The following ZNF488 variants were observed in gnomAD, a reference collection of about 807,000 sequenced individuals.
The protein encoded by ZNF488 is zinc finger protein 488.
Under a neutral mutation model 1.2 loss-of-function variants are expected in ZNF488, and 1 was observed. That is an observed-to-expected ratio of 0.86 (90% CI 0.30 to 4.07). The LOEUF (loss-of-function observed/expected upper bound fraction) is 4.07. Ranked by LOEUF, ZNF488 falls within the 30% of genes most tolerant of loss-of-function variation. ZNF488 has a pLI of 0.18. For synonymous variants in ZNF488, 185 were observed against 190.1 expected (o/e 0.97, Z 0.22); for missense variants, 450 against 437.9 (o/e 1.03, Z -0.25).
intron 1 of ZNF488, among the ~76,000 whole-genome samples, chr10:47,372,134 A>G (rs952851518): frequency 6.6e-5 from 10 of 152,354 alleles, no homozygotes; most frequent in African/African-American, 1.9e-4. Context: ...TCCAGTCTAC[A>G]TAAGACTGGT....
chr10:47,373,326 T>C (rs1261355415), intron 1 of ZNF488, among the ~76,000 whole-genome samples: 2 of 152,176 alleles, frequency 1.3e-5, no homozygotes, highest in Admixed American at 6.5e-5. Flanking sequence ...TTTTCTTCAC[T>C]CTAATGACTA....
At chr10:47,376,060 T>G (rs1837668514) in intron 1 of ZNF488, among the ~76,000 whole-genome samples, 1 of 152,228 alleles carries the variant, frequency 6.6e-6, no homozygotes, top group Admixed American at 6.5e-5. Context: ...GTTCTTTTAT[T>G]CTGTGATAAC....
At chr10:47,384,020 G>A (rs1838085559) in intron 1 of ZNF488, among the ~76,000 whole-genome samples, 200 bp downstream of exon 1, 1 of 152,126 alleles carries the variant, frequency 6.6e-6, no homozygotes, top group East Asian at 1.9e-4. Context: ...AGAAGAGAAA[G>A]GGAACAGAAA....
chr10:47,369,657 G>A (rs574191027), intron 1 of ZNF488, among the ~76,000 whole-genome samples: 150 of 152,254 alleles, frequency 9.9e-4, no homozygotes, highest in African/African-American at 3.5e-3. Context: ...TGAGAGTCAA[G>A]TGTCCCCACT....
chr10:47,367,795 TGCGGTCACCTG>T lies in ZNF488; in HGVS notation c.*1_*11del. On this transcript the variant is annotated 3_prime_UTR_variant, in exon 2 of 2. Coordinates refer to ENST00000585316, the MANE Select transcript of ZNF488 (RefSeq NM_153034.4). The stretch of plus-strand genomic sequence containing the variant: ...GGCTGCTGCACCCAGCAGGTCATTC[TGCGGTCACCTG>T]CTAGCTGTGAGAAGTCATGTGCCGG... The T allele has an allele frequency of 6.3e-7, 1 of 1,598,478 alleles. No individual in the cohort carries two copies. The highest frequency in any genetic ancestry group is 8.5e-7 in the Non-Finnish European group (1 of 1,172,528).
chr10:47,377,598 TCTCACA>T (rs1288448124), intron 1 of ZNF488, among the ~76,000 whole-genome samples: 5 of 96,794 alleles, frequency 5.2e-5, no homozygotes, highest in African/African-American at 2.1e-4. Context: ...GCAATAACAA[TCTCACA>T]CACACACACA....
intron 1 of ZNF488, among the ~76,000 whole-genome samples, chr10:47,377,671 TCACACACACACACACACACACACA>T (rs55901237): frequency 9.5e-6 from 1 of 104,950 alleles, no homozygotes; most frequent in Admixed American, 9.0e-5. Context: ...GCAATAACAA[TCACACACACACACACACACACACA>T]CACACACACA....
At chr10:47,380,866 G>C (rs200466005) in intron 1 of ZNF488, among the ~76,000 whole-genome samples, 25 of 149,118 alleles carry the variant, frequency 1.7e-4, no homozygotes, top group African/African-American at 6.2e-4. Flanking sequence ...TCTTCACTGG[G>C]TTGTGGGAAA....
rs1263296805 is a variant in ZNF488, at chr10:47,369,053, G to A, written c.-108-116C>T. The A allele has an allele frequency of 5.3e-6, 3 of 567,420 alleles. No individual in the cohort carries two copies. The African/African-American group carries it at 5.7e-5, about 11-fold the overall frequency. 35.1% of individuals were successfully genotyped at this position (567,420 alleles called of 1,614,324 possible). On this transcript the variant is annotated intron_variant, in intron 1 of 1. Coordinates refer to ENST00000585316, the MANE Select transcript of ZNF488 (RefSeq NM_153034.4). ...CTCAGGCCTCCTCCGCTGTCTGTGGGATGGGTGTGCTGACTGCACCACCTC... is the reference window on the plus strand; with the variant it reads ...CTCAGGCCTCCTCCGCTGTCTGTGGAATGGGTGTGCTGACTGCACCACCTC...
chr10:47,382,143 G>C (rs1446590365), intron 1 of ZNF488, among the ~76,000 whole-genome samples: 1 of 152,260 alleles, frequency 6.6e-6, no homozygotes, highest in Non-Finnish European at 1.5e-5. Context: ...CTTCACTTCA[G>C]GCACTCACGG....
rs1649613618 is a variant in ZNF488, at chr10:47,368,941, CAG to C, written c.-108-6_-108-5del. 1 of 1,325,794 alleles carries C rather than the reference CAG, an allele frequency of 7.5e-7. No homozygotes were observed. Among genetic ancestry groups the C allele is most frequent in the East Asian group, 2.3e-5 (1 of 42,808 alleles). 82.1% of individuals were successfully genotyped at this position (1,325,794 alleles called of 1,614,324 possible). On this transcript the variant is annotated splice_polypyrimidine_tract_variant and splice_region_variant and intron_variant, in intron 1 of 1. Coordinates refer to ENST00000585316, the MANE Select transcript of ZNF488 (RefSeq NM_153034.4). ...GGACACACTCGGCCACAGGGCCCTG[CAG>C]AGAGAGGAAGCGACAGGCAGTGAGA...
At chr10:47,381,253 A>G (rs1349534778) in intron 1 of ZNF488, among the ~76,000 whole-genome samples, 1 of 53,134 alleles carries the variant, frequency 1.9e-5, no homozygotes, top group Non-Finnish European at 4.0e-5. Flanking sequence ...CCCCCCAAGC[A>G]GTGCTTTGCT....
intron 1 of ZNF488, among the ~76,000 whole-genome samples, chr10:47,377,671 TCACACACACACACACACACACA>T (rs55901237): frequency 9.5e-6 from 1 of 104,952 alleles, no homozygotes; most frequent in South Asian, 3.4e-4. Flanking sequence ...GCAATAACAA[TCACACACACACACACACACACA>T]CACACACACA....
chr10:47,368,382 C>A lies in ZNF488; in HGVS notation c.448G>T (p.Val150Leu). The A allele has an allele frequency of 6.2e-7, 1 of 1,614,206 alleles. No individual in the cohort carries two copies. Among genetic ancestry groups the A allele is most frequent in the Non-Finnish European group, 8.5e-7 (1 of 1,180,052 alleles). The change falls in exon 2 of 2, where the codon GTG (valine) becomes TTG (leucine). Residue 150 changes from valine to leucine, a missense_variant. Physicochemically the swap from Val to Leu is conservative, Grantham distance 32 (BLOSUM62 1). Transcript: ENST00000585316. ...TCACTTCGTGCTCCGCTGGGCCACACAGAGAAGACTTTGCTGCCAGCTGGG... is the reference window on the plus strand; with the variant it reads ...TCACTTCGTGCTCCGCTGGGCCACAAAGAGAAGACTTTGCTGCCAGCTGGG... ...RGPAGSKVFS[V>L]WPSGARSEQR...
In ZNF488 at chr10:47,368,851, G is replaced by C. The variant is rs1555213494; in HGVS notation, c.-22C>G. The C allele has an allele frequency of 6.4e-7, 1 of 1,552,056 alleles. No individual in the cohort carries two copies. Among genetic ancestry groups the C allele is most frequent in the African/African-American group, 1.4e-5 (1 of 73,232 alleles). On this transcript the variant is annotated 5_prime_UTR_variant, in exon 2 of 2. Transcript: ENST00000585316. ...GCATTCATCAGTCTTTGGGGGTTTGGGGTTCTGGAGGGCTTGGCCCAGCAA... is the reference window on the plus strand; with the variant it reads ...GCATTCATCAGTCTTTGGGGGTTTGCGGTTCTGGAGGGCTTGGCCCAGCAA...
At position 47,367,484 on chromosome 10, in the gene ZNF488, A is replaced by G; in HGVS notation, c.*323T>C. On this transcript the variant is annotated 3_prime_UTR_variant, in exon 2 of 2. Transcript: ENST00000585316. ...CTCTTTGTCCAGGGTCACAGCTAGTATGTGAAAGAGCCCAGATTCGAATCC... is the reference window on the plus strand; with the variant it reads ...CTCTTTGTCCAGGGTCACAGCTAGTGTGTGAAAGAGCCCAGATTCGAATCC... 5.5e-6 allele frequency: 2 copies of G among 366,254 alleles called. No individual in the cohort carries two copies. Among genetic ancestry groups the G allele is most frequent in the East Asian group, 1.1e-4 (2 of 18,028 alleles). The allele number at this position is 366,254 out of a possible 1,614,324, so 22.7% of individuals were successfully genotyped here.
chr10:47,367,837 G>A lies in ZNF488; in HGVS notation c.993C>T (p.His331=). ...TGTGAGAAGTCATGTGCCGGGAGAG[G>A]TGGTGGCGCTCCCGGAAGTGCTCCT... ...VCQEHFRERH[H]LSRHMTSHS Residue 331 remains histidine, a synonymous_variant, in exon 2 of 2, where the codon CAC becomes CAT. Coordinates refer to ENST00000585316, the MANE Select transcript of ZNF488 (RefSeq NM_153034.4). 6.2e-7 allele frequency: 1 copy of A among 1,613,092 alleles called. No homozygotes were observed. Among genetic ancestry groups the A allele is most frequent in the Non-Finnish European group, 8.5e-7 (1 of 1,179,730 alleles).
rs1483005080 is a variant in ZNF488 at position 47,368,939 on chromosome 10, T to C, written c.-108-2A>G. 2.2e-6 allele frequency: 3 copies of C among 1,342,364 alleles called. No individual in the cohort carries two copies. Among genetic ancestry groups the C allele is most frequent in the Non-Finnish European group, 3.0e-6 (3 of 985,462 alleles). The allele number at this position is 1,342,364 out of a possible 1,614,324, so 83.2% of individuals were successfully genotyped here. ...CTGGACACACTCGGCCACAGGGCCC[T>C]GCAGAGAGAGGAAGCGACAGGCAGT... On this transcript the variant is annotated splice_acceptor_variant, in intron 1 of 1. Transcript: ENST00000585316. LOFTEE classifies it low-confidence loss of function (5UTR_SPLICE).
At chr10:47,375,132 T>G (rs1309450399) in intron 1 of ZNF488, among the ~76,000 whole-genome samples, 5 of 152,248 alleles carry the variant, frequency 3.3e-5, no homozygotes, top group African/African-American at 4.8e-5. Context: ...GCCAGTGGTG[T>G]GCTGGAGCCA....
Sources: gnomAD v4.1 joint callset for allele counts (sites outside exome capture counted in the v4.1 genomes callset) on GRCh38, gnomAD v4.1.1 for gene constraint, MANE v1.5 for transcripts, NCBI Gene and HGNC (gene_info 2026-07-23, HGNC 2026-07-21) for gene names.